LEKR1: variants seen among roughly 807,000 people sequenced by gnomAD.
LEKR1 encodes leucine, glutamate and lysine rich 1.
In LEKR1, 59 loss-of-function variants were observed where a neutral mutation model predicts 72.4. That is an observed-to-expected ratio of 0.82 (90% CI 0.66 to 1.01). The LOEUF (loss-of-function observed/expected upper bound fraction) is 1.01, where lower values mean the gene tolerates loss of function less well. Among genes scored for constraint, LEKR1 ranks in the 50% least tolerant of loss-of-function variants. The pLI is 0.00. For synonymous variants in LEKR1, 257 were observed against 263.2 expected (o/e 0.98, Z 0.23); for missense variants, 728 against 759.2 (o/e 0.96, Z 0.48).
intron 6 of LEKR1, chr3:156,977,460 A>C: frequency 2.1e-6 from 1 of 472,422 alleles, no homozygotes; most frequent in Admixed American, 2.5e-5. Context: ...CTCAGTGCCC[A>C]CCCCTTGCAA....
At chr3:156,921,462 C>G (rs1382557765) in intron 4 of LEKR1, among the ~76,000 whole-genome samples, 1 of 152,046 alleles carries the variant, frequency 6.6e-6, no homozygotes, top group Non-Finnish European at 1.5e-5. Context: ...TGATAATAAC[C>G]TATTGAACAT....
chr3:156,883,174 GA>G (rs1217493083), intron 3 of LEKR1, among the ~76,000 whole-genome samples: 4 of 150,398 alleles, frequency 2.7e-5, no homozygotes, highest in East Asian at 3.9e-4. Flanking sequence ...ACGAAAGAAA[GA>G]AAAAAAAAGA....
At chr3:157,012,891 T>G (rs1733005528) in intron 10 of LEKR1, among the ~76,000 whole-genome samples, 1 of 152,110 alleles carries the variant, frequency 6.6e-6, no homozygotes, top group Non-Finnish European at 1.5e-5. Context: ...TTCCTTATTC[T>G]TACCAATCTA....
chr3:156,999,256 C>G (rs1731828295), intron 9 of LEKR1, among the ~76,000 whole-genome samples: 1 of 152,156 alleles, frequency 6.6e-6, no homozygotes, highest in Admixed American at 6.5e-5. Context: ...ACAATACACT[C>G]ACTTCAGAAA....
At chr3:156,859,410 A>G (rs548639586) in intron 3 of LEKR1, among the ~76,000 whole-genome samples, 106 of 152,298 alleles carry the variant, frequency 7.0e-4, no homozygotes, top group African/African-American at 2.4e-3. Context: ...ACACTTCACA[A>G]CGTTTTATAC....
chr3:156,948,272 CATAA>C (rs1448938710), intron 6 of LEKR1, among the ~76,000 whole-genome samples: 3 of 151,084 alleles, frequency 2.0e-5, no homozygotes, highest in South Asian at 2.1e-4. Context: ...TTGCCTCTAC[CATAA>C]ATAGACTATT....
chr3:156,864,732 G>A (rs143265916), intron 3 of LEKR1, among the ~76,000 whole-genome samples: 44 of 152,022 alleles, frequency 2.9e-4, no homozygotes, highest in African/African-American at 1.0e-3. Flanking sequence ...CTTCTTAATA[G>A]CATTTGACAC....
intron 3 of LEKR1, among the ~76,000 whole-genome samples, chr3:156,899,130 G>A (rs1243587755): frequency 6.6e-6 from 1 of 151,766 alleles, no homozygotes; most frequent in African/African-American, 2.4e-5. Context: ...TAATTTTGGA[G>A]CAGTCATGGT....
intron 3 of LEKR1, among the ~76,000 whole-genome samples, chr3:156,898,235 T>G (rs1323605853): frequency 6.6e-6 from 1 of 152,152 alleles, no homozygotes; most frequent in African/African-American, 2.4e-5. Context: ...TATTTTGATT[T>G]TTTCCTTCTC....
intron 10 of LEKR1, among the ~76,000 whole-genome samples, chr3:157,021,647 G>A (rs1733844087): frequency 6.6e-6 from 1 of 152,140 alleles, no homozygotes; most frequent in Admixed American, 6.6e-5. Context: ...TATTTGGAAA[G>A]ATGTCGTTTT....
chr3:157,006,982 A>G (rs1345393258), intron 9 of LEKR1, among the ~76,000 whole-genome samples: 2 of 152,170 alleles, frequency 1.3e-5, no homozygotes, highest in Non-Finnish European at 2.9e-5. Context: ...TGGGCGGATC[A>G]TAAGGTCAGG....
chr3:156,942,467 T>C (rs1726297507), intron 5 of LEKR1, 62 bp from the exon 6 acceptor site: 1 of 530,482 alleles, frequency 1.9e-6, no homozygotes, highest in Non-Finnish European at 2.8e-6. Context: ...CTAATCAATC[T>C]TTAGAGAAAT....
intron 2 of LEKR1, among the ~76,000 whole-genome samples, chr3:156,844,438 C>A (rs187072215): frequency 6.6e-6 from 1 of 152,188 alleles, no homozygotes; most frequent in African/African-American, 2.4e-5. Context: ...ACAATTGATA[C>A]AGTCAAGATA....
At chr3:156,888,377 C>CT (rs1240970512) in intron 3 of LEKR1, 4 of 702,214 alleles carry the variant, frequency 5.7e-6, no homozygotes, top group Non-Finnish European at 1.0e-5. Context: ...CTACAACATT[C>CT]TGTCACTGAG....
At chr3:156,837,249 A>G (rs541137665) in intron 2 of LEKR1, among the ~76,000 whole-genome samples, 27 of 152,324 alleles carry the variant, frequency 1.8e-4, no homozygotes, top group Admixed American at 5.2e-4. Flanking sequence ...GGCTTAAGAT[A>G]ACAAAAGATG....
chr3:157,025,765 C>T (rs2108034887), intron 11 of LEKR1, among the ~76,000 whole-genome samples: 1 of 152,200 alleles, frequency 6.6e-6, no homozygotes, highest in South Asian at 2.1e-4. Flanking sequence ...GTGGCTCATG[C>T]CTATAATCCT....
chr3:156,829,172 G>A (rs964295483), intron 1 of LEKR1, 114 bp from the exon 2 acceptor site: 2 of 558,892 alleles, frequency 3.6e-6, no homozygotes, highest in Non-Finnish European at 6.4e-6. Flanking sequence ...ATAAGCATCT[G>A]TTGAAACAGT....
In LEKR1 at chr3:157,028,233, T is replaced by G. The variant is rs1177847814; in HGVS notation, c.1499T>G (p.Leu500Arg). Residue 500 changes from leucine (L) to arginine (R), a missense_variant, in exon 12 of 13, where the codon CTT (leucine) becomes CGT (arginine). Leu to Arg is a moderately radical substitution (Grantham distance 102). Transcript: ENST00000356539. Reference sequence around the variant, plus strand: ...TCAAAGGAAAAAGAAATTGAAAATCTTAAAAATTTGGTTGCAGAATTTGAA... The same window carrying G: ...TCAAAGGAAAAAGAAATTGAAAATCGTAAAAATTTGGTTGCAGAATTTGAA... ...SNSKEKEIEN[L>R]KNLVAEFESR... is the part of the protein sequence containing the mutation. The G allele has an allele frequency of 2.2e-5, 35 of 1,613,480 alleles. No individual in the cohort carries two copies. Among genetic ancestry groups the G allele is most frequent in the Non-Finnish European group, 2.9e-5 (34 of 1,179,654 alleles).
chr3:156,927,093 C>A (rs1274049963), intron 4 of LEKR1, among the ~76,000 whole-genome samples: 1 of 151,844 alleles, frequency 6.6e-6, no homozygotes, highest in Non-Finnish European at 1.5e-5. Flanking sequence ...GGATCTAAGA[C>A]TAAATTTCTC....
Sources: gnomAD v4.1 joint callset for allele counts (sites outside exome capture counted in the v4.1 genomes callset) on GRCh38, gnomAD v4.1.1 for gene constraint, MANE v1.5 for transcripts, NCBI Gene and HGNC (gene_info 2026-07-23, HGNC 2026-07-21) for gene names.